AVL9: variants seen among roughly 807,000 people sequenced by gnomAD.
The protein encoded by AVL9 is AVL9 cell migration associated.
In AVL9, 49 loss-of-function variants were observed where a neutral mutation model predicts 79.2. The observed-to-expected ratio is 0.62, with a 90% CI of 0.49 to 0.79. The LOEUF (loss-of-function observed/expected upper bound fraction) is 0.79. Ranked by LOEUF, AVL9 falls within the 30% of genes least tolerant of loss-of-function variation. The pLI is 0.00. For missense variants in AVL9, 682 were observed against 776.8 expected (o/e 0.88, Z 1.45); for synonymous variants, 299 against 280.6 (o/e 1.07, Z -0.65).
intron 1 of AVL9, among the ~76,000 whole-genome samples, chr7:32,505,969 G>A (rs1039253908): frequency 2.6e-5 from 4 of 152,064 alleles, no homozygotes; most frequent in East Asian, 3.9e-4. Context: ...TTCTAAGTCC[G>A]TAAAGTGTGC....
chr7:32,508,419 CTAATTT>C (rs1239655081), intron 1 of AVL9, among the ~76,000 whole-genome samples: 2 of 142,978 alleles, frequency 1.4e-5, no homozygotes, highest in African/African-American at 5.0e-5. Flanking sequence ...TCAGATAAAA[CTAATTT>C]TAATATTGTG....
intron 3 of AVL9, 108 bp from the exon 4 acceptor site, chr7:32,548,739 C>T: frequency 1.4e-6 from 1 of 735,802 alleles, no homozygotes; most frequent in Non-Finnish European, 2.1e-6. Flanking sequence ...TTGAATTTAA[C>T]TGAATGTAAG....
intron 8 of AVL9, among the ~76,000 whole-genome samples, chr7:32,555,157 G>A (rs1790001712): frequency 6.6e-6 from 1 of 152,066 alleles, no homozygotes; most frequent in Non-Finnish European, 1.5e-5. Flanking sequence ...TGGGCAACAT[G>A]GTGAAAGAAA....
chr7:32,581,281 G>A (rs1791495901), intron 15 of AVL9: 2 of 156,070 alleles, frequency 1.3e-5, no homozygotes, highest in African/African-American at 4.8e-5. Context: ...CCAACAGTTG[G>A]TTTTTCAAAA....
chr7:32,499,932 T>C (rs985575358), intron 1 of AVL9, among the ~76,000 whole-genome samples: 3 of 148,046 alleles, frequency 2.0e-5, no homozygotes, highest in African/African-American at 7.4e-5. Flanking sequence ...GAACTCATTC[T>C]TTTTCATGGC....
intron 1 of AVL9, among the ~76,000 whole-genome samples, chr7:32,517,309 CT>C (rs1054366807): frequency 2.2e-3 from 306 of 142,306 alleles, no homozygotes; most frequent in East Asian, 6.4e-3. Flanking sequence ...TTTTCTTTTT[CT>C]TTTTTTTTTT....
intron 7 of AVL9, among the ~76,000 whole-genome samples, chr7:32,554,256 A>C (rs7798797): frequency 0.023 from 3,550 of 152,302 alleles, 151 homozygotes; most frequent in African/African-American, 0.079. Context: ...CACTCTGGAC[A>C]TCCAGAAATA....
At chr7:32,496,454 G>A (rs1466236214) in intron 1 of AVL9, among the ~76,000 whole-genome samples, 1 of 152,202 alleles carries the variant, frequency 6.6e-6, no homozygotes, top group Non-Finnish European at 1.5e-5. Flanking sequence ...ATAAGAGAAA[G>A]TGTATTACCA....
At chr7:32,549,125 T>C (rs919681322) in intron 4 of AVL9, among the ~76,000 whole-genome samples, 1 of 151,916 alleles carries the variant, frequency 6.6e-6, no homozygotes, top group African/African-American at 2.4e-5. Flanking sequence ...CTTATAGCTA[T>C]TGGAAAGTAA....
At chr7:32,568,507 AT>A (rs1790685221) in intron 10 of AVL9, among the ~76,000 whole-genome samples, 1 of 152,098 alleles carries the variant, frequency 6.6e-6, no homozygotes, top group South Asian at 2.1e-4. Context: ...AGCCCATAAT[AT>A]TCTTTGGAGA....
At chr7:32,531,900 A>G (rs1372273501) in intron 1 of AVL9, 1 of 152,826 alleles carries the variant, frequency 6.5e-6, no homozygotes, top group African/African-American at 2.4e-5. Context: ...TCCATCTGCA[A>G]ACAGCTTAAG....
chr7:32,558,980 GTA>G lies in AVL9; in HGVS notation c.733_734del (p.Met245ValfsTer2). 6.2e-7 allele frequency: 1 copy of G among 1,612,560 alleles called. No individual in the cohort carries two copies. The highest frequency in any genetic ancestry group is 8.5e-7 in the Non-Finnish European group (1 of 1,179,348). ...TGTTCTCAGTATAGACCCCGGAAAA[GTA>G]TGTCTGAAGATGGTGGGCTTCAGGA... On this transcript the variant is annotated frameshift_variant, in exon 10 of 16. Transcript: ENST00000318709. LOFTEE classifies it high-confidence loss of function.
chr7:32,524,506 C>A (rs1342924774), intron 1 of AVL9, among the ~76,000 whole-genome samples: 1 of 146,536 alleles, frequency 6.8e-6, no homozygotes, highest in Non-Finnish European at 1.5e-5. Flanking sequence ...CTGAGCGAGA[C>A]TCCATCTTGT....
In AVL9 at chr7:32,544,716, A is replaced by G; in HGVS notation, c.237A>G (p.Pro79=). The G allele has an allele frequency of 6.2e-7, 1 of 1,613,774 alleles. No homozygotes were observed. Among genetic ancestry groups the G allele is most frequent in the Non-Finnish European group, 8.5e-7 (1 of 1,179,838 alleles). The part of the protein sequence containing the change: ...YQEDTVFFHL[P]PRNGNGATVF... Reference sequence around the variant, plus strand: ...TAGATACTGTGTTTTTTCACTTGCCACCCAGAAATGGAAATGGAGCCACAG... The same window carrying G: ...TAGATACTGTGTTTTTTCACTTGCCGCCCAGAAATGGAAATGGAGCCACAG... The change falls in exon 3 of 16, where the codon CCA becomes CCG. Residue 79 remains proline, a synonymous_variant. Transcript: ENST00000318709.
chr7:32,531,158 G>T (rs1439318679), intron 1 of AVL9, among the ~76,000 whole-genome samples: 2 of 152,126 alleles, frequency 1.3e-5, no homozygotes, highest in African/African-American at 4.8e-5. Flanking sequence ...GTTAGTGATT[G>T]CCTATACATT....
intron 8 of AVL9, among the ~76,000 whole-genome samples, chr7:32,558,061 G>T (rs577399551): frequency 1.6e-3 from 243 of 151,296 alleles, no homozygotes; most frequent in Non-Finnish European, 2.4e-3. Flanking sequence ...TCAGCATGTT[G>T]GTCAGGCTGG....
At chr7:32,548,940 T>G in intron 4 of AVL9, 22 bp downstream of exon 4, 1 of 1,510,704 alleles carries the variant, frequency 6.6e-7, no homozygotes, top group Non-Finnish European at 8.9e-7. Flanking sequence ...AGTAACTTGT[T>G]CATTATGTTA....
At chr7:32,498,738 T>C (rs1786978968) in intron 1 of AVL9, among the ~76,000 whole-genome samples, 1 of 151,916 alleles carries the variant, frequency 6.6e-6, no homozygotes, top group Non-Finnish European at 1.5e-5. Context: ...TAAGTGATTT[T>C]TTTGAGTTCT....
chr7:32,531,585 A>G (rs1788658015), intron 1 of AVL9: 1 of 151,858 alleles, frequency 6.6e-6, no homozygotes, highest in South Asian at 2.1e-4. Flanking sequence ...TACCTCCTTT[A>G]CTCAGCCCAC....
Sources: allele counts gnomAD v4.1 joint callset (sites outside exome capture counted in the v4.1 genomes callset), GRCh38; gene constraint gnomAD v4.1.1; transcripts MANE v1.5; gene names NCBI Gene and HGNC (gene_info 2026-07-23, HGNC 2026-07-21).